The following GPR155 variants were observed in gnomAD, a reference collection of about 807,000 sequenced individuals.
GPR155 encodes the protein G protein-coupled receptor 155.
In GPR155, 65 loss-of-function variants were observed where a neutral mutation model predicts 93.1. The observed-to-expected ratio is 0.70, with a 90% confidence interval of 0.57 to 0.86. The LOEUF is 0.86. Among genes scored for constraint, GPR155 ranks in the 40% least tolerant of loss-of-function variants. The pLI, the probability that GPR155 is intolerant of heterozygous loss-of-function variation, is 0.00. For synonymous variants in GPR155, 319 were observed against 360.1 expected, an observed-to-expected ratio of 0.89 and a Z score of 1.29; for missense variants, 838 against 1,034.8, an observed-to-expected ratio of 0.81 and a Z score of 2.61.
intron 7 of GPR155, among the ~76,000 whole-genome samples, chr2:174,462,443 T>C (rs2105710683): frequency 6.6e-6 from 1 of 152,306 alleles, no homozygotes; most frequent in East Asian, 1.9e-4. Context: ...AACAAGTAGC[T>C]GGGATTACAG....
intron 2 of GPR155, among the ~76,000 whole-genome samples, chr2:174,476,622 CA>C (rs200632959): frequency 3.5e-4 from 53 of 150,844 alleles, no homozygotes; most frequent in East Asian, 3.9e-4. Flanking sequence ...AAAAACAAAA[CA>C]AAAAAAAACC....
chr2:174,470,279 G>A lies in GPR155; in HGVS notation c.1026+111C>T, dbSNP rs1372676390. 6.2e-5 allele frequency: 54 copies of A among 868,670 alleles called. No homozygotes were observed. In the East Asian group the frequency reaches 9.9e-4, roughly 16 times the overall value. The allele number at this position is 868,670 out of a possible 1,614,324, so 53.8% of individuals were successfully genotyped here. On this transcript the variant is annotated intron_variant, in intron 4 of 15. Coordinates refer to ENST00000392552, the MANE Select transcript of GPR155 (RefSeq NM_152529.7). ...CCTGGGGCAACATAGTGAGACCCCCGTCGTCTCTATTTTTTCATTTTTAAA... is the reference window on the plus strand; with the variant it reads ...CCTGGGGCAACATAGTGAGACCCCCATCGTCTCTATTTTTTCATTTTTAAA...
intron 4 of GPR155, among the ~76,000 whole-genome samples, chr2:174,470,118 TC>T (rs1170853671): frequency 6.6e-6 from 1 of 151,906 alleles, no homozygotes. Context: ...CACCTCAGCC[TC>T]CCAAAGTGCT....
intron 9 of GPR155, among the ~76,000 whole-genome samples, chr2:174,460,878 A>G (rs1398746846): frequency 6.6e-6 from 1 of 152,184 alleles, no homozygotes; most frequent in Non-Finnish European, 1.5e-5. Context: ...AAAACACAAT[A>G]AAATCCAAAA....
chr2:174,444,899 C>G (rs1450678391), intron 13 of GPR155, among the ~76,000 whole-genome samples, 182 bp downstream of exon 13: 1 of 152,156 alleles, frequency 6.6e-6, no homozygotes, highest in Non-Finnish European at 1.5e-5. Context: ...AATAATTCGT[C>G]TCTACTAGAA....
At chr2:174,477,306 TC>T (rs1309316279) in intron 2 of GPR155, among the ~76,000 whole-genome samples, 3 of 152,164 alleles carry the variant, frequency 2.0e-5, no homozygotes, top group African/African-American at 7.2e-5. Flanking sequence ...TATCATTTTT[TC>T]TGATGAGAAC....
intron 9 of GPR155, among the ~76,000 whole-genome samples, chr2:174,460,372 C>T (rs968249104): frequency 1.3e-5 from 2 of 151,764 alleles, no homozygotes; most frequent in African/African-American, 4.8e-5. Context: ...CCGTGTTAGC[C>T]AGGATGGTCT....
chr2:174,439,985 G>T lies in GPR155; in HGVS notation c.2225C>A (p.Pro742His). ...NKDTAENRDS[P>H]VSEEIKMTCQ... ...GGTCATTTTTATTTCCTCTGAAACA[G>T]GAGAATCCCTGTTTTCTGCTGTGTC... The change falls in exon 15 of 16, where the codon CCT becomes CAT. Residue 742 changes from proline to histidine, a missense_variant. Pro to His is a moderately conservative substitution (Grantham distance 77). This residue lies in a region of GPR155 where 146 missense variants were observed against 177.5 expected (regional missense o/e 0.82). Coordinates refer to ENST00000392552, the MANE Select transcript of GPR155 (RefSeq NM_152529.7). 2 of 1,611,304 alleles carry T rather than the reference G, an allele frequency of 1.2e-6. No homozygotes were observed. The highest frequency in any genetic ancestry group is 1.7e-6 in the Non-Finnish European group (2 of 1,177,892).
At chr2:174,462,740 C>T (rs571061381) in intron 7 of GPR155, among the ~76,000 whole-genome samples, 2 of 152,198 alleles carry the variant, frequency 1.3e-5, no homozygotes, top group Non-Finnish European at 1.5e-5. Flanking sequence ...AATGATAGCA[C>T]TTAATACAAA....
intron 11 of GPR155, among the ~76,000 whole-genome samples, chr2:174,452,966 TA>T (rs1413124885): frequency 6.6e-6 from 1 of 152,252 alleles, no homozygotes; most frequent in Non-Finnish European, 1.5e-5. Flanking sequence ...TTATTACTTT[TA>T]AAGGTGTTTG....
At chr2:174,441,636 A>G (rs770992493) in intron 14 of GPR155, among the ~76,000 whole-genome samples, 2 of 151,938 alleles carry the variant, frequency 1.3e-5, no homozygotes, top group South Asian at 2.1e-4. Context: ...CGTGTGTCCA[A>G]GTGTTCTCAT....
chr2:174,444,540 TGGAGTG>T (rs2105674286), intron 13 of GPR155, among the ~76,000 whole-genome samples: 1 of 138,222 alleles, frequency 7.2e-6, no homozygotes, highest in African/African-American at 2.7e-5. Context: ...TCACCCAGGC[TGGAGTG>T]CAGTAGCACA....
At chr2:174,448,517 T>A (rs913730069) in intron 11 of GPR155, among the ~76,000 whole-genome samples, 9 of 115,962 alleles carry the variant, frequency 7.8e-5, no homozygotes, top group Admixed American at 7.4e-4. Context: ...AAGTTTTTTG[T>A]TTTTTGTTTT....
chr2:174,461,153 C>T lies in GPR155; in HGVS notation c.1560+249G>A, dbSNP rs186739648. 1.6e-4 allele frequency among the ~76,000 whole-genome samples: 25 copies of T among 152,228 alleles called. 1 individual carries two copies. Among genetic ancestry groups the T allele is most frequent in the East Asian group, 1.4e-3 (7 of 5,182 alleles). ...TCACTCTTTTCTCCAGCACAGGAAA[C>T]ACAATTCCTAAGTGTGATTAAGAAC... On this transcript the variant is annotated intron_variant, in intron 9 of 15. Coordinates refer to ENST00000392552, the MANE Select transcript of GPR155 (RefSeq NM_152529.7).
intron 2 of GPR155, among the ~76,000 whole-genome samples, chr2:174,479,422 G>A (rs571732623): frequency 6.6e-6 from 1 of 152,286 alleles, no homozygotes; most frequent in East Asian, 1.9e-4. Flanking sequence ...AGAGTGCCCA[G>A]GATTTGCAAC....
intron 2 of GPR155, among the ~76,000 whole-genome samples, chr2:174,477,416 C>T (rs1193819759): frequency 6.6e-6 from 1 of 151,968 alleles, no homozygotes; most frequent in Non-Finnish European, 1.5e-5. Context: ...ACTTTTTTTA[C>T]ATTTTACACA....
chr2:174,447,900 C>T (rs1400128681), intron 11 of GPR155, among the ~76,000 whole-genome samples: 5 of 149,636 alleles, frequency 3.3e-5, no homozygotes, highest in East Asian at 1.9e-4. Context: ...TTTTAAAGGC[C>T]GAATTAATAA....
chr2:174,457,510 G>A (rs976730675), intron 10 of GPR155, among the ~76,000 whole-genome samples: 1 of 152,184 alleles, frequency 6.6e-6, no homozygotes, highest in Non-Finnish European at 1.5e-5. Flanking sequence ...AGACTGGAAT[G>A]CAGTGGCACG....
At chr2:174,444,515 T>C (rs1318615558) in intron 13 of GPR155, among the ~76,000 whole-genome samples, 1 of 126,574 alleles carries the variant, frequency 7.9e-6, no homozygotes, top group Non-Finnish European at 1.6e-5. Flanking sequence ...TTTGAGACAG[T>C]CTCATCTCAC....
Sources: gnomAD v4.1 joint callset for allele counts (sites outside exome capture counted in the v4.1 genomes callset) on GRCh38, gnomAD v4.1.1 for gene constraint, gnomAD v4.1.1 regional missense constraint, MANE v1.5 for transcripts, NCBI Gene and HGNC (gene_info 2026-07-23, HGNC 2026-07-21) for gene names.